Variants in SGCZ observed in about 807,000 individuals in gnomAD.
The protein encoded by SGCZ is sarcoglycan zeta.
In SGCZ, 40 loss-of-function variants were observed where a neutral mutation model predicts 41.3. The ratio of observed to expected loss-of-function variants is 0.97; its 90% CI spans 0.75 to 1.26. SGCZ has a LOEUF of 1.26. Ranked by LOEUF, SGCZ falls within the 50% of genes most tolerant of loss-of-function variation. The pLI is 0.00. For missense variants in SGCZ, 552 were observed against 369.8 expected (o/e 1.49, Z -4.04); for synonymous variants, 206 against 137.5 (o/e 1.50, Z -3.49).
intron 4 of SGCZ, among the ~76,000 whole-genome samples, chr8:14,220,489 G>T (rs898990263): frequency 6.6e-6 from 1 of 152,152 alleles, no homozygotes; most frequent in Non-Finnish European, 1.5e-5. Flanking sequence ...GTGATCTTAG[G>T]TGCACTGCTG....
At chr8:14,108,493 G>A (rs1030162745) in intron 5 of SGCZ, among the ~76,000 whole-genome samples, 7 of 152,052 alleles carry the variant, frequency 4.6e-5, no homozygotes, top group Non-Finnish European at 1.0e-4. Flanking sequence ...TTCATACATC[G>A]CGGTGGCAAG....
intron 1 of SGCZ, among the ~76,000 whole-genome samples, chr8:15,212,749 C>T (rs981710626): frequency 6.6e-6 from 1 of 151,846 alleles, no homozygotes; most frequent in Non-Finnish European, 1.5e-5. Context: ...TCTACACAGC[C>T]GATAAACATG....
chr8:15,007,557 G>T (rs189875304), intron 1 of SGCZ, among the ~76,000 whole-genome samples: 72 of 152,284 alleles, frequency 4.7e-4, no homozygotes, highest in Non-Finnish European at 7.6e-4. Context: ...AGGCATATCT[G>T]TGTTTCTCAA....
At chr8:15,080,652 G>T (rs568657636) in intron 1 of SGCZ, among the ~76,000 whole-genome samples, 1 of 151,960 alleles carries the variant, frequency 6.6e-6, no homozygotes, top group African/African-American at 2.4e-5. Context: ...GTGCAGTGGC[G>T]CAATCTCAGC....
chr8:14,929,016 G>C (rs1025146484), intron 1 of SGCZ, among the ~76,000 whole-genome samples: 5 of 151,980 alleles, frequency 3.3e-5, no homozygotes, highest in Non-Finnish European at 7.4e-5. Context: ...TTTTCAGACA[G>C]AGTCTCACTC....
intron 1 of SGCZ, among the ~76,000 whole-genome samples, chr8:14,938,294 C>T (rs1800150767): frequency 6.6e-6 from 1 of 152,092 alleles, no homozygotes; most frequent in African/African-American, 2.4e-5. Flanking sequence ...CCTTGAACAA[C>T]ATACTTTCGA....
chr8:14,483,933 A>G (rs1304953916), intron 2 of SGCZ, among the ~76,000 whole-genome samples: 1 of 152,168 alleles, frequency 6.6e-6, no homozygotes, highest in East Asian at 1.9e-4. Context: ...CTGATTGCTG[A>G]CTACATGGAT....
chr8:14,421,220 A>T (rs182027319), intron 2 of SGCZ, among the ~76,000 whole-genome samples: 2 of 152,040 alleles, frequency 1.3e-5, no homozygotes, highest in African/African-American at 4.8e-5. Flanking sequence ...GTAAGGGGCT[A>T]TTGATCTCAT....
chr8:14,502,024 T>C (rs2126325), intron 2 of SGCZ, among the ~76,000 whole-genome samples: 39,104 of 151,924 alleles, frequency 0.26, 5,060 homozygotes, highest in Admixed American at 0.29. Context: ...AAAAAAGTAA[T>C]TAGAAATTAA....
At chr8:14,686,148 G>A (rs1808603645) in intron 1 of SGCZ, among the ~76,000 whole-genome samples, 1 of 152,074 alleles carries the variant, frequency 6.6e-6, no homozygotes, top group Admixed American at 6.6e-5. Context: ...AATTTATATA[G>A]AAAATTATTC....
intron 2 of SGCZ, among the ~76,000 whole-genome samples, chr8:14,463,404 G>A (rs1461121533): frequency 8.3e-6 from 1 of 120,418 alleles, no homozygotes. Context: ...AACAAGTGGT[G>A]TAAAAAAAAA....
At chr8:14,902,973 T>C (rs1391911499) in intron 1 of SGCZ, among the ~76,000 whole-genome samples, 1 of 152,150 alleles carries the variant, frequency 6.6e-6, no homozygotes, top group African/African-American at 2.4e-5. Context: ...AACATGTGAA[T>C]TGACTGGAAA....
At chr8:14,588,567 A>C (rs1022228192) in intron 1 of SGCZ, among the ~76,000 whole-genome samples, 6 of 152,176 alleles carry the variant, frequency 3.9e-5, no homozygotes, top group African/African-American at 1.4e-4. Flanking sequence ...TTTCATGAGC[A>C]AATAGAATGT....
intron 4 of SGCZ, among the ~76,000 whole-genome samples, chr8:14,223,092 G>A (rs1806259183): frequency 6.6e-6 from 1 of 151,960 alleles, no homozygotes; most frequent in Admixed American, 6.6e-5. Context: ...TTACATGATT[G>A]AGCCATTGCC....
At chr8:14,875,355 T>C (rs909050292) in intron 1 of SGCZ, among the ~76,000 whole-genome samples, 11 of 152,156 alleles carry the variant, frequency 7.2e-5, no homozygotes, top group Admixed American at 5.9e-4. Flanking sequence ...AAGCCACATA[T>C]CTTAACACTA....
At chr8:14,169,353 A>G (rs912332888) in intron 4 of SGCZ, among the ~76,000 whole-genome samples, 6 of 152,026 alleles carry the variant, frequency 3.9e-5, no homozygotes, top group African/African-American at 1.4e-4. Flanking sequence ...CTTATTGAAC[A>G]CCATTTTCAA....
intron 4 of SGCZ, among the ~76,000 whole-genome samples, chr8:14,187,696 C>T (rs868264179): frequency 2.3e-4 from 35 of 151,910 alleles, no homozygotes; most frequent in Non-Finnish European, 2.2e-4. Flanking sequence ...AAAATGACAA[C>T]TGCAGGACAC....
chr8:14,471,258 C>A (rs1014373255), intron 2 of SGCZ, among the ~76,000 whole-genome samples: 1 of 152,050 alleles, frequency 6.6e-6, no homozygotes, highest in African/African-American at 2.4e-5. Flanking sequence ...TTGTTTGACT[C>A]ATGTAGTGTA....
intron 1 of SGCZ, among the ~76,000 whole-genome samples, chr8:15,095,580 A>T (rs1806316302): frequency 6.6e-6 from 1 of 152,214 alleles, no homozygotes; most frequent in Non-Finnish European, 1.5e-5. Context: ...CCTCACAAAT[A>T]TGAGGGTTTC....
Sources: gnomAD v4.1 joint callset for allele counts (sites outside exome capture counted in the v4.1 genomes callset) on GRCh38, gnomAD v4.1.1 for gene constraint, MANE v1.5 for transcripts, NCBI Gene and HGNC (gene_info 2026-07-23, HGNC 2026-07-21) for gene names.